The following RBFOX1 variants were observed in gnomAD, a reference collection of about 807,000 sequenced individuals.
RBFOX1 encodes RNA binding protein fox-1 homolog 1.
In RBFOX1, 8 loss-of-function variants were observed where a neutral mutation model predicts 57.7. The ratio of observed to expected loss-of-function variants is 0.14; its 90% confidence interval spans 0.08 to 0.25. The LOEUF is 0.25. Ranked by LOEUF, RBFOX1 falls within the 10% of genes least tolerant of loss-of-function variation. The probability of loss-of-function intolerance (pLI) is 1.00; values close to 1 mark genes in which losing one functional copy is unlikely to be tolerated. For missense variants in RBFOX1, 611 were observed against 548.5 expected (o/e 1.11, Z -1.14); for synonymous variants, 326 against 222.4 (o/e 1.47, Z -4.15).
intron 3 of RBFOX1, among the ~76,000 whole-genome samples, chr16:6,920,702 C>G (rs1307741228): frequency 6.6e-6 from 1 of 152,168 alleles, no homozygotes; most frequent in Non-Finnish European, 1.5e-5. Context: ...TCATTGGCAC[C>G]CCTTGGCTTG....
intron 4 of RBFOX1, among the ~76,000 whole-genome samples, chr16:7,401,997 C>A (rs993968107): frequency 1.3e-5 from 2 of 152,116 alleles, no homozygotes; most frequent in South Asian, 2.1e-4. Flanking sequence ...ATGTTCTTTT[C>A]CTTCCCTTTA....
intron 2 of RBFOX1, among the ~76,000 whole-genome samples, chr16:6,367,267 T>TGTTTA (rs1376910020): frequency 5.9e-5 from 9 of 152,120 alleles, no homozygotes; most frequent in African/African-American, 2.2e-4. Flanking sequence ...TGTTTTGTTT[T>TGTTTA]GTTTTGTTTT....
chr16:6,335,409 C>T (rs760288227), intron 2 of RBFOX1, among the ~76,000 whole-genome samples: 3 of 152,062 alleles, frequency 2.0e-5, no homozygotes, highest in Non-Finnish European at 2.9e-5. Context: ...TAGAAATGTG[C>T]TATTGGTAAA....
At chr16:7,506,719 C>G (rs1340731853) in intron 4 of RBFOX1, among the ~76,000 whole-genome samples, 1 of 152,120 alleles carries the variant, frequency 6.6e-6, no homozygotes. Flanking sequence ...TACTAATGTA[C>G]GAGATCCATG....
chr16:6,579,941 C>T (rs891140132), intron 2 of RBFOX1, among the ~76,000 whole-genome samples: 1 of 151,874 alleles, frequency 6.6e-6, no homozygotes, highest in African/African-American at 2.4e-5. Context: ...TGGACCTGTT[C>T]ATCTTTTTTT....
At chr16:6,948,664 G>C (rs1460283144) in intron 3 of RBFOX1, among the ~76,000 whole-genome samples, 1 of 151,988 alleles carries the variant, frequency 6.6e-6, no homozygotes, top group Non-Finnish European at 1.5e-5. Flanking sequence ...TTACAAGCGT[G>C]AGCCACCACG....
chr16:6,823,617 G>A (rs2091688347), intron 3 of RBFOX1, among the ~76,000 whole-genome samples: 1 of 152,128 alleles, frequency 6.6e-6, no homozygotes, highest in East Asian at 1.9e-4. Flanking sequence ...TATTCCACCA[G>A]TTTTCCTCCC....
At chr16:6,890,684 G>C (rs1288955503) in intron 3 of RBFOX1, among the ~76,000 whole-genome samples, 7 of 152,290 alleles carry the variant, frequency 4.6e-5, no homozygotes, top group African/African-American at 1.4e-4. Context: ...TCTGTCCCCA[G>C]TTTCCTGGGA....
chr16:6,003,287 A>AAT, intron 4 of RBFOX1, among the ~76,000 whole-genome samples: 1 of 151,542 alleles, frequency 6.6e-6, no homozygotes, highest in Non-Finnish European at 1.5e-5. Flanking sequence ...TCTCCAAAAA[A>AAT]AAAAAAAAAA....
intron 2 of RBFOX1, among the ~76,000 whole-genome samples, chr16:5,472,571 ATCT>A (rs762217956): frequency 1.3e-5 from 2 of 151,988 alleles, no homozygotes; most frequent in African/African-American, 2.4e-5. Context: ...CTGGAATGAA[ATCT>A]TCTTCTCGTC....
At chr16:5,532,665 A>G (rs1406043259) in intron 2 of RBFOX1, among the ~76,000 whole-genome samples, 1 of 152,210 alleles carries the variant, frequency 6.6e-6, no homozygotes, top group Non-Finnish European at 1.5e-5. Flanking sequence ...AGTTAACCAC[A>G]TTTTTCAATG....
intron 3 of RBFOX1, among the ~76,000 whole-genome samples, chr16:5,682,036 C>T (rs1178543883): frequency 2.0e-5 from 3 of 152,154 alleles, no homozygotes; most frequent in Non-Finnish European, 4.4e-5. Flanking sequence ...TATTAGAATG[C>T]TCTGCACCTC....
In RBFOX1 at chr16:6,911,243, G is replaced by A. The variant is rs567600933; in HGVS notation, c.-15-140814G>A. Among the ~76,000 whole-genome samples the A allele has an allele frequency of 9.3e-5, 14 of 151,028 alleles. No homozygotes were observed. The South Asian group carries it at 2.9e-3, about 32-fold the overall frequency. On this transcript the variant is annotated intron_variant, in intron 3 of 15. Coordinates refer to ENST00000550418, the MANE Select transcript of RBFOX1 (RefSeq NM_018723.4). Reference sequence around the variant, plus strand: ...AGCAAACTGAAGACTTGAACCTTGGGTAGTGCGTTAGTTTCCCAGGACTGC... The same window carrying A: ...AGCAAACTGAAGACTTGAACCTTGGATAGTGCGTTAGTTTCCCAGGACTGC...
chr16:5,876,731 G>C (rs987292205), intron 4 of RBFOX1, among the ~76,000 whole-genome samples: 1 of 152,116 alleles, frequency 6.6e-6, no homozygotes, highest in African/African-American at 2.4e-5. Flanking sequence ...GACTGTTTAA[G>C]ATCAAAAGAT....
chr16:6,870,324 C>T (rs954767915), intron 3 of RBFOX1, among the ~76,000 whole-genome samples: 1 of 152,110 alleles, frequency 6.6e-6, no homozygotes, highest in Non-Finnish European at 1.5e-5. Context: ...AAATTCAGCA[C>T]TGCTAGGAAA....
At chr16:5,412,791 C>CT (rs1308490495) in intron 1 of RBFOX1, among the ~76,000 whole-genome samples, 1 of 152,250 alleles carries the variant, frequency 6.6e-6, no homozygotes, top group Non-Finnish European at 1.5e-5. Context: ...GGGCTGGCAC[C>CT]TACACACATA....
At chr16:6,670,631 C>A (rs1035282523) in intron 3 of RBFOX1, among the ~76,000 whole-genome samples, 1 of 152,156 alleles carries the variant, frequency 6.6e-6, no homozygotes. Flanking sequence ...CAATCTCTAT[C>A]TACTAAAATT....
intron 3 of RBFOX1, among the ~76,000 whole-genome samples, chr16:6,841,265 A>G (rs753981866): frequency 6.6e-6 from 1 of 152,190 alleles, no homozygotes; most frequent in Non-Finnish European, 1.5e-5. Flanking sequence ...GGTTCTTTTG[A>G]GAATTCCTTG....
At chr16:7,512,008 T>C (rs1280746645) in intron 4 of RBFOX1, among the ~76,000 whole-genome samples, 2 of 152,188 alleles carry the variant, frequency 1.3e-5, no homozygotes, top group Non-Finnish European at 2.9e-5. Flanking sequence ...TGGGGAACAC[T>C]TGTGAGGCAG....
Sources: allele counts gnomAD v4.1 joint callset (sites outside exome capture counted in the v4.1 genomes callset), GRCh38; gene constraint gnomAD v4.1.1; transcripts MANE v1.5; gene names NCBI Gene and HGNC (gene_info 2026-07-23, HGNC 2026-07-21).